CDC42: variants seen among roughly 807,000 people sequenced by gnomAD.
CDC42 encodes cell division control protein 42 homolog.
Under a neutral mutation model 20.8 loss-of-function variants are expected in CDC42, and 1 was observed. The observed-to-expected ratio is 0.05, with a 90% CI of 0.02 to 0.23. The LOEUF is 0.23. Ranked by LOEUF, CDC42 falls within the 10% of genes least tolerant of loss-of-function variation. The probability of loss-of-function intolerance (pLI) is 1.00; values close to 1 mark genes in which losing one functional copy is unlikely to be tolerated. For synonymous variants in CDC42, 72 were observed against 84.8 expected, an observed-to-expected ratio of 0.85 and a Z score of 0.83; for missense variants, 49 against 227.9, an observed-to-expected ratio of 0.21 and a Z score of 5.05.
intron 1 of CDC42, among the ~76,000 whole-genome samples, chr1:22,067,752 C>T (rs910723956): frequency 6.6e-6 from 1 of 152,140 alleles, no homozygotes; most frequent in Non-Finnish European, 1.5e-5. Context: ...GGGGACTCTG[C>T]CCTCTGGACC....
chr1:22,086,924 A>G, intron 5 of CDC42, 58 bp downstream of exon 5: 2 of 1,374,972 alleles, frequency 1.5e-6, no homozygotes, highest in South Asian at 1.2e-5. Flanking sequence ...TTAGAGCATT[A>G]GGATACAGGA....
chr1:22,066,280 CAGG>C (rs971040903), intron 1 of CDC42, among the ~76,000 whole-genome samples: 1 of 151,830 alleles, frequency 6.6e-6, no homozygotes, highest in African/African-American at 2.4e-5. Flanking sequence ...GAGGCTGAGG[CAGG>C]AGAATCGCTT....
Position 22,094,927 on chromosome 1 carries a change from A to G in CDC42, c.*3410A>G, listed in dbSNP as rs550725964. Reference sequence around the variant, plus strand: ...TGGACTATTTTCCTTTTCTTCTTCCATTTGTGAGGTAAATTAGTGGTTATT... The same window carrying G: ...TGGACTATTTTCCTTTTCTTCTTCCGTTTGTGAGGTAAATTAGTGGTTATT... On this transcript the variant is annotated 3_prime_UTR_variant, in exon 6 of 6. Transcript: ENST00000656825. 1.3e-5 allele frequency among the ~76,000 whole-genome samples: 2 copies of G among 152,134 alleles called. No individual in the cohort carries two copies. The highest frequency in any genetic ancestry group is 2.4e-5 in the African/African-American group (1 of 41,496).
intron 1 of CDC42, among the ~76,000 whole-genome samples, chr1:22,067,974 AT>A (rs374634502): frequency 2.0e-5 from 3 of 152,068 alleles, no homozygotes; most frequent in Admixed American, 6.5e-5. Context: ...GACACCCAAG[AT>A]TTGGCTGAGA....
intron 1 of CDC42, among the ~76,000 whole-genome samples, chr1:22,056,556 CT>C (rs1158835827): frequency 1.3e-5 from 2 of 152,166 alleles, no homozygotes; most frequent in Non-Finnish European, 2.9e-5. Context: ...CTAGTTTCTA[CT>C]TTTAGTTTCT....
At chr1:22,065,384 A>G (rs975074600) in intron 1 of CDC42, among the ~76,000 whole-genome samples, 1 of 152,208 alleles carries the variant, frequency 6.6e-6, no homozygotes, top group African/African-American at 2.4e-5. Context: ...ATTGGAATGA[A>G]GGGATTTCTG....
intron 1 of CDC42, among the ~76,000 whole-genome samples, chr1:22,061,018 G>C (rs189008206): frequency 9.8e-5 from 15 of 152,326 alleles, no homozygotes; most frequent in East Asian, 7.7e-4. Context: ...AGCTAGTAAA[G>C]ATGAGGGTAG....
intron 1 of CDC42, among the ~76,000 whole-genome samples, chr1:22,058,143 T>G (rs1018406215): frequency 2.0e-5 from 3 of 152,172 alleles, no homozygotes; most frequent in Non-Finnish European, 2.9e-5. Flanking sequence ...TGGGAGCTCA[T>G]TAGAACTATC....
intron 1 of CDC42, chr1:22,053,249 A>G (rs992855811): frequency 1.0e-5 from 1 of 99,566 alleles, no homozygotes; most frequent in African/African-American, 3.9e-5. Context: ...CGCCGCGGAC[A>G]TTTTGCGGCG....
chr1:22,065,339 A>T (rs1272778564), intron 1 of CDC42, among the ~76,000 whole-genome samples: 8 of 152,210 alleles, frequency 5.3e-5, no homozygotes, highest in African/African-American at 1.9e-4. Flanking sequence ...CTTGGCTACA[A>T]ATGTGACACT....
At chr1:22,065,216 G>A (rs544087851) in intron 1 of CDC42, among the ~76,000 whole-genome samples, 51 of 152,166 alleles carry the variant, frequency 3.4e-4, no homozygotes, top group East Asian at 1.2e-3. Flanking sequence ...CAACTCTGTC[G>A]TCTTCCTTGG....
At chr1:22,057,918 G>T (rs1433822924) in intron 1 of CDC42, among the ~76,000 whole-genome samples, 1 of 151,582 alleles carries the variant, frequency 6.6e-6, no homozygotes, top group Non-Finnish European at 1.5e-5. Flanking sequence ...GAGGTGGGGG[G>T]GTTTCACCAT....
rs915405172 is a variant in CDC42 at position 22,093,518 on chromosome 1, G to A, written c.*2001G>A. The stretch of plus-strand genomic sequence containing the variant: ...TACCTTTAGGACATTATACTGATCT[G>A]CATGAGAATCTTAGAAACTAAGAAC... On this transcript the variant is annotated 3_prime_UTR_variant, in exon 6 of 6. Coordinates refer to ENST00000656825, the MANE Select transcript of CDC42 (RefSeq NM_001791.4). Among the ~76,000 whole-genome samples, 2 of 152,174 alleles carry A rather than the reference G, an allele frequency of 1.3e-5. No individual in the cohort carries two copies. Among genetic ancestry groups the A allele is most frequent in the African/African-American group, 4.8e-5 (2 of 41,438 alleles).
chr1:22,093,171 T>C lies in CDC42; in HGVS notation c.*1654T>C, dbSNP rs1645733309. The stretch of plus-strand genomic sequence containing the variant: ...TTTGACCCTTCCCTTAAATACCAAG[T>C]AGGTCCATAATAATTCTTAGTGAAG... On this transcript the variant is annotated 3_prime_UTR_variant, in exon 6 of 6. Coordinates refer to ENST00000656825, the MANE Select transcript of CDC42 (RefSeq NM_001791.4). Among the ~76,000 whole-genome samples, 1 of 152,176 alleles carries C rather than the reference T, an allele frequency of 6.6e-6. No individual in the cohort carries two copies. The highest frequency in any genetic ancestry group is 6.5e-5 in the Admixed American group (1 of 15,272).
rs944598988 is a variant in CDC42 at position 22,097,407 on chromosome 1, AATTTTTGT to A, written c.*5897_*5904del. On this transcript the variant is annotated 3_prime_UTR_variant, in exon 6 of 6. Coordinates refer to ENST00000656825, the MANE Select transcript of CDC42 (RefSeq NM_001791.4). ...CAGGCGTGAGCCACCGTGCCTGGCT[AATTTTTGT>A]ATTTTTAGTAGAGATGGGGTTTCAC... Among the ~76,000 whole-genome samples, 10 of 151,836 alleles carry A rather than the reference AATTTTTGT, an allele frequency of 6.6e-5. No individual in the cohort carries two copies. Among genetic ancestry groups the A allele is most frequent in the African/African-American group, 2.4e-4 (10 of 41,288 alleles).
intron 3 of CDC42, among the ~76,000 whole-genome samples, chr1:22,084,363 T>C (rs1645639802): frequency 8.3e-6 from 1 of 120,406 alleles, no homozygotes; most frequent in Non-Finnish European, 1.8e-5. Context: ...TTTTTTTTAA[T>C]TGTAGCCATC....
chr1:22,064,141 C>T (rs563011003), intron 1 of CDC42: 2 of 150,612 alleles, frequency 1.3e-5, no homozygotes, highest in South Asian at 2.1e-4. Context: ...AAAGTATTTC[C>T]TTCTTTTTGG....
At chr1:22,086,613 A>G in intron 4 of CDC42, 56 bp from the exon 5 acceptor site, 1 of 1,592,750 alleles carries the variant, frequency 6.3e-7, no homozygotes, top group African/African-American at 1.3e-5. Flanking sequence ...CCTGTTATAA[A>G]TAGCATTAGA....
At position 22,096,228 on chromosome 1, in the gene CDC42, G is replaced by A. The variant is rs10917151; in HGVS notation, c.*4711G>A. On this transcript the variant is annotated 3_prime_UTR_variant, in exon 6 of 6. Coordinates refer to ENST00000656825, the MANE Select transcript of CDC42 (RefSeq NM_001791.4). ...CCCTCCTCAGCCTCCCAAAGTGCTG[G>A]GATTATAGGCATGAGTCACTGCGCC... Among the ~76,000 whole-genome samples, 22,179 of 152,026 alleles carry A rather than the reference G, an allele frequency of 0.15. 2,426 individuals carry two copies. Among genetic ancestry groups the A allele is most frequent in the East Asian group, 0.51 (2,642 of 5,162 alleles).
Sources: gnomAD v4.1 joint callset for allele counts (sites outside exome capture counted in the v4.1 genomes callset) on GRCh38, gnomAD v4.1.1 for gene constraint, MANE v1.5 for transcripts, NCBI Gene and HGNC (gene_info 2026-07-23, HGNC 2026-07-21) for gene names.